The following CTSO variants were observed in gnomAD, a reference collection of about 807,000 sequenced individuals.
CTSO encodes cathepsin O.
Under a neutral mutation model 42.4 loss-of-function variants are expected in CTSO, and 40 were observed. The ratio of observed to expected loss-of-function variants is 0.94; its 90% CI spans 0.73 to 1.23. CTSO has a LOEUF of 1.23. Ranked by LOEUF, CTSO falls within the 50% of genes most tolerant of loss-of-function variation. CTSO has a pLI of 0.00. For synonymous variants in CTSO, 156 were observed against 146.2 expected, an observed-to-expected ratio of 1.07 and a Z score of -0.48; for missense variants, 441 against 396.0, an observed-to-expected ratio of 1.11 and a Z score of -0.96.
intron 5 of CTSO, among the ~76,000 whole-genome samples, chr4:155,936,179 T>TC (rs1356093426): frequency 6.6e-6 from 1 of 152,170 alleles, no homozygotes; most frequent in African/African-American, 2.4e-5. Context: ...ACCACGGTAC[T>TC]CAGTGACCCT....
intron 1 of CTSO, among the ~76,000 whole-genome samples, chr4:155,950,595 A>G (rs1162412438): frequency 6.6e-6 from 1 of 152,174 alleles, no homozygotes; most frequent in East Asian, 1.9e-4. Context: ...ACCCTGGGCC[A>G]TGGACCAGTA....
intron 4 of CTSO, among the ~76,000 whole-genome samples, chr4:155,938,281 C>A (rs911382023): frequency 6.6e-6 from 1 of 152,118 alleles, no homozygotes; most frequent in Non-Finnish European, 1.5e-5. Flanking sequence ...GAATGCTAGG[C>A]TAATGAAAGG....
At chr4:155,951,357 G>C (rs2110940702) in intron 1 of CTSO, among the ~76,000 whole-genome samples, 1 of 152,258 alleles carries the variant, frequency 6.6e-6, no homozygotes. Flanking sequence ...AAGGAGAGTA[G>C]GCTAAATCCA....
intron 1 of CTSO, among the ~76,000 whole-genome samples, chr4:155,952,624 A>G (rs1055853534): frequency 7.2e-5 from 11 of 152,230 alleles, no homozygotes; most frequent in African/African-American, 2.4e-4. Flanking sequence ...CAAGAATAAT[A>G]AAGTGGAGAT....
At chr4:155,928,184 G>T in intron 7 of CTSO, 152 bp downstream of exon 7, 4 of 484,366 alleles carry the variant, frequency 8.3e-6, no homozygotes, top group South Asian at 9.0e-5. Flanking sequence ...ATGTTTAACA[G>T]TTCCTCTTGC....
chr4:155,945,910 A>ACACAC (rs1579348124), intron 1 of CTSO, among the ~76,000 whole-genome samples: 1 of 152,180 alleles, frequency 6.6e-6, no homozygotes, highest in Non-Finnish European at 1.5e-5. Context: ...TATACCACAC[A>ACACAC]CACACCACAC....
chr4:155,931,998 G>T (rs1022513530), intron 5 of CTSO, among the ~76,000 whole-genome samples: 1 of 151,904 alleles, frequency 6.6e-6, no homozygotes, highest in Non-Finnish European at 1.5e-5. Flanking sequence ...CTAGAATTCA[G>T]TGTGTTATAC....
chr4:155,943,034 GTAGACACT>G, intron 2 of CTSO, 114 bp downstream of exon 2: 1 of 649,682 alleles, frequency 1.5e-6, no homozygotes, highest in East Asian at 2.6e-5. Context: ...CTGACATTTA[GTAGACACT>G]TAATAAATGT....
intron 4 of CTSO, among the ~76,000 whole-genome samples, chr4:155,938,770 C>T (rs1205606957): frequency 6.6e-6 from 1 of 151,656 alleles, no homozygotes; most frequent in Non-Finnish European, 1.5e-5. Flanking sequence ...ACTAAAAAAA[C>T]AAAAACAAAA....
At position 155,926,046 on chromosome 4, in the gene CTSO, A is replaced by G. The variant is rs1269756877; in HGVS notation, c.956T>C (p.Ile319Thr). The G allele has an allele frequency of 1.2e-6, 2 of 1,602,554 alleles. No individual in the cohort carries two copies. The highest frequency in any genetic ancestry group is 1.1e-5 in the South Asian group (1 of 89,128). The change falls in exon 8 of 8, where the codon ATA (isoleucine) becomes ACA (threonine). Residue 319 changes from isoleucine (I) to threonine (T), a missense_variant. Transcript: ENST00000433477. ...VCGIADSVSS[I>T]FV ...GATCTGCCCAACATGTCACACAAAT[A>G]TAGAAGAAACGGAATCTGCAATACC...
intron 5 of CTSO, among the ~76,000 whole-genome samples, chr4:155,932,603 C>A (rs1014656598): frequency 3.9e-5 from 6 of 152,094 alleles, no homozygotes; most frequent in African/African-American, 1.4e-4. Flanking sequence ...CCATTTCCAT[C>A]CCCAGATGCA....
intron 5 of CTSO, among the ~76,000 whole-genome samples, chr4:155,930,764 G>A (rs1361057987): frequency 2.0e-5 from 3 of 152,002 alleles, no homozygotes; most frequent in Admixed American, 2.0e-4. Flanking sequence ...CATAATAATG[G>A]AATTGATTGA....
At position 155,953,835 on chromosome 4, in the gene CTSO, C is replaced by A; in HGVS notation, c.13G>T (p.Ala5Ser). The change falls in exon 1 of 8, where the codon GCG (alanine) becomes TCG (serine). Residue 5 changes from alanine to serine, a missense_variant. By Grantham distance (99) the Ala-to-Ser change is moderately conservative. Coordinates refer to ENST00000433477, the MANE Select transcript of CTSO (RefSeq NM_001334.3). MDVR[A>S]LPWLPWLLWL... The stretch of plus-strand genomic sequence containing the variant: ...AGCAGCCACGGCAGCCACGGCAGCG[C>A]CCGCACGTCCATTGCGGCGCCCGGC... 7.0e-6 allele frequency: 9 copies of A among 1,294,482 alleles called. No homozygotes were observed. Among genetic ancestry groups the A allele is most frequent in the Non-Finnish European group, 8.8e-6 (9 of 1,024,434 alleles). 80.2% of individuals were successfully genotyped at this position (1,294,482 alleles called of 1,614,324 possible). A position where few individuals can be genotyped will look rare whatever the true frequency, so the allele number is the denominator to read the frequency against.
Position 155,926,047 on chromosome 4 carries a change from T to C in CTSO, c.955A>G (p.Ile319Val), listed in dbSNP as rs1743123713. 6.2e-7 allele frequency: 1 copy of C among 1,601,496 alleles called. No individual in the cohort carries two copies. Among genetic ancestry groups the C allele is most frequent in the Non-Finnish European group, 8.5e-7 (1 of 1,174,352 alleles). ...VCGIADSVSS[I>V]FV ...ATCTGCCCAACATGTCACACAAATATAGAAGAAACGGAATCTGCAATACCT... is the reference window on the plus strand; with the variant it reads ...ATCTGCCCAACATGTCACACAAATACAGAAGAAACGGAATCTGCAATACCT... Residue 319 changes from isoleucine (I) to valine (V), a missense_variant, in exon 8 of 8, where the codon ATA becomes GTA. Coordinates refer to ENST00000433477, the MANE Select transcript of CTSO (RefSeq NM_001334.3).
chr4:155,926,755 G>C (rs1277469967), intron 7 of CTSO, among the ~76,000 whole-genome samples: 1 of 152,124 alleles, frequency 6.6e-6, no homozygotes, highest in African/African-American at 2.4e-5. Flanking sequence ...TATGAAAGCA[G>C]GTAGAGAGCA....
At chr4:155,929,960 A>G (rs1253225246) in intron 5 of CTSO, among the ~76,000 whole-genome samples, 1 of 152,160 alleles carries the variant, frequency 6.6e-6, no homozygotes, top group Non-Finnish European at 1.5e-5. Flanking sequence ...ATGGTCCAAG[A>G]TGGTTGCTGG....
At chr4:155,939,650 T>A in intron 3 of CTSO, 112 bp from the exon 4 acceptor site, 2 of 967,138 alleles carry the variant, frequency 2.1e-6, no homozygotes, top group South Asian at 4.8e-5. Flanking sequence ...TCTGGAAACC[T>A]ACAAAATAAA....
intron 7 of CTSO, among the ~76,000 whole-genome samples, chr4:155,927,903 T>C (rs1408109760): frequency 6.6e-6 from 1 of 152,170 alleles, no homozygotes; most frequent in Admixed American, 6.6e-5. Flanking sequence ...ACAATACTAA[T>C]GCTTAGTTTT....
At position 155,937,362 on chromosome 4, in the gene CTSO, C is replaced by T. The variant is rs751934098; in HGVS notation, c.674G>A (p.Ser225Asn). The T allele has an allele frequency of 6.2e-7, 1 of 1,600,382 alleles. No individual in the cohort carries two copies. The highest frequency in any genetic ancestry group is 1.7e-5 in the Admixed American group (1 of 59,524). Residue 225 changes from serine (S) to asparagine (N), a missense_variant and splice_region_variant, in exon 5 of 8, where the codon AGT (serine) becomes AAT (asparagine). Coordinates refer to ENST00000433477, the MANE Select transcript of CTSO (RefSeq NM_001334.3). ...SIKGYSAYDF[S>N]DQEDEMAKAL... The stretch of plus-strand genomic sequence containing the variant: ...AAACATAATACAATAAGATCTTTAC[C>T]TGAAGTCATATGCAGAATAACCTTT...
Sources: gnomAD v4.1 joint callset for allele counts (sites outside exome capture counted in the v4.1 genomes callset) on GRCh38, gnomAD v4.1.1 for gene constraint, MANE v1.5 for transcripts, NCBI Gene and HGNC (gene_info 2026-07-23, HGNC 2026-07-21) for gene names.